ACVR1: variants seen among roughly 807,000 people sequenced by gnomAD.
ACVR1 encodes activin A receptor type 1, also known as activin receptor type-1.
ACVR1 carries 38 observed loss-of-function variants against 57.1 expected under a neutral mutation model. The ratio of observed to expected loss-of-function variants is 0.67; its 90% CI spans 0.51 to 0.87. ACVR1 has a LOEUF of 0.87. Among genes scored for constraint, ACVR1 ranks in the 40% least tolerant of loss-of-function variants. ACVR1 has a pLI of 0.00. For missense variants in ACVR1, 463 were observed against 638.2 expected (o/e 0.73, Z 2.96); for synonymous variants, 212 against 228.1 (o/e 0.93, Z 0.63).
intron 6 of ACVR1, among the ~76,000 whole-genome samples, 162 bp from the exon 7 acceptor site, chr2:157,770,676 A>AT (rs918817194): frequency 1.1e-4 from 17 of 151,604 alleles, no homozygotes; most frequent in African/African-American, 3.6e-4. Context: ...TTTATTTTTT[A>AT]TTTTTTTTGG....
intron 3 of ACVR1, among the ~76,000 whole-genome samples, chr2:157,790,435 G>A (rs915582607): frequency 6.6e-6 from 1 of 152,186 alleles, no homozygotes. Flanking sequence ...CACTGCCTGG[G>A]TTATTCTGAG....
At chr2:157,803,880 A>G (rs1379982067) in intron 2 of ACVR1, among the ~76,000 whole-genome samples, 1 of 151,934 alleles carries the variant, frequency 6.6e-6, no homozygotes, top group Non-Finnish European at 1.5e-5. Context: ...TATTATATTC[A>G]TAATAAAATA....
chr2:157,800,976 T>A (rs1687303268), intron 2 of ACVR1, among the ~76,000 whole-genome samples: 1 of 151,960 alleles, frequency 6.6e-6, no homozygotes, highest in Non-Finnish European at 1.5e-5. Context: ...AACCTCTCCC[T>A]CAGCAGTGAT....
intron 1 of ACVR1, among the ~76,000 whole-genome samples, chr2:157,830,997 A>T (rs1258667536): frequency 2.6e-5 from 4 of 152,168 alleles, no homozygotes; most frequent in Non-Finnish European, 5.9e-5. Context: ...AGTGGCAGAA[A>T]CATAACTCAC....
chr2:157,829,266 A>T lies in ACVR1; in HGVS notation c.-182-10707T>A, dbSNP rs539263782. On this transcript the variant is annotated intron_variant, in intron 1 of 10. Coordinates refer to ENST00000434821, the MANE Select transcript of ACVR1 (RefSeq NM_001111067.4). The stretch of plus-strand genomic sequence containing the variant: ...GTCACCCACCATCCCAAATCTACTA[A>T]TCTTTCTTTATGTCCTATCTTCTGC... Among the ~76,000 whole-genome samples, 413 of 152,262 alleles carry T rather than the reference A, an allele frequency of 2.7e-3. 4 individuals carry two copies. The highest frequency in any genetic ancestry group is 2.1e-3 in the Non-Finnish European group (145 of 68,024).
chr2:157,784,789 T>C (rs532883384), intron 3 of ACVR1, among the ~76,000 whole-genome samples: 1 of 152,364 alleles, frequency 6.6e-6, no homozygotes, highest in East Asian at 1.9e-4. Flanking sequence ...TCCTGCTCTG[T>C]ATGATCCTCA....
rs567012722 is a variant in ACVR1, at chr2:157,868,614, C to T, written c.-183+7182G>A. Among the ~76,000 whole-genome samples, 168 of 152,196 alleles carry T rather than the reference C, an allele frequency of 1.1e-3. 1 individual carries two copies. Among genetic ancestry groups the T allele is most frequent in the Non-Finnish European group, 2.1e-3 (144 of 68,044 alleles). On this transcript the variant is annotated intron_variant, in intron 1 of 10. Coordinates refer to ENST00000434821, the MANE Select transcript of ACVR1 (RefSeq NM_001111067.4). ...GCCTATGCTACAACCTATACACATA[C>T]AGATACCTCTCAAAATAACATCCAA...
chr2:157,807,260 T>C (rs889253760), intron 2 of ACVR1, among the ~76,000 whole-genome samples: 2 of 152,204 alleles, frequency 1.3e-5, no homozygotes, highest in East Asian at 1.9e-4. Flanking sequence ...CAGAATGAAA[T>C]TGACTTTGTT....
At chr2:157,847,163 T>C (rs1689149576) in intron 1 of ACVR1, among the ~76,000 whole-genome samples, 1 of 152,212 alleles carries the variant, frequency 6.6e-6, no homozygotes, top group African/African-American at 2.4e-5. Context: ...TTTGAACTTA[T>C]TATACACATG....
At chr2:157,824,449 C>A (rs932779892) in intron 1 of ACVR1, among the ~76,000 whole-genome samples, 3 of 152,110 alleles carry the variant, frequency 2.0e-5, no homozygotes, top group Non-Finnish European at 4.4e-5. Context: ...GCCTGGGCAA[C>A]AGAGCAAGAT....
intron 1 of ACVR1, among the ~76,000 whole-genome samples, chr2:157,851,363 G>A (rs1440514395): frequency 6.6e-6 from 1 of 151,980 alleles, no homozygotes; most frequent in Non-Finnish European, 1.5e-5. Context: ...CATAATACAA[G>A]CATGGAAGTC....
In ACVR1 at chr2:157,802,462, C is replaced by T. The variant is rs139430908; in HGVS notation, c.-7-2962G>A. Among the ~76,000 whole-genome samples the T allele has an allele frequency of 2.2e-3, 330 of 152,254 alleles. 1 individual carries two copies. Among genetic ancestry groups the T allele is most frequent in the African/African-American group, 7.7e-3 (320 of 41,550 alleles). On this transcript the variant is annotated intron_variant, in intron 2 of 10. Transcript: ENST00000434821. ...AAGGCACTCTAGGCACTCTACTCAC[C>T]TATCTTCATTGCCCCCTTGGCTCTC...
At chr2:157,855,952 T>C (rs1365536503) in intron 1 of ACVR1, among the ~76,000 whole-genome samples, 1 of 152,050 alleles carries the variant, frequency 6.6e-6, no homozygotes, top group Non-Finnish European at 1.5e-5. Flanking sequence ...GTTCCTCGCA[T>C]CATCATGAAA....
intron 3 of ACVR1, among the ~76,000 whole-genome samples, chr2:157,781,002 C>G (rs1330024385): frequency 6.6e-6 from 1 of 151,828 alleles, no homozygotes; most frequent in Non-Finnish European, 1.5e-5. Flanking sequence ...TTATTCTATT[C>G]CAAAAAAAAA....
At chr2:157,859,042 T>A (rs1421691677) in intron 1 of ACVR1, among the ~76,000 whole-genome samples, 6 of 152,164 alleles carry the variant, frequency 3.9e-5, no homozygotes. Context: ...GTCAGAGGCA[T>A]TTGAATCAGA....
chr2:157,766,387 C>T (rs1685861098), intron 7 of ACVR1, among the ~76,000 whole-genome samples, 191 bp from the exon 8 acceptor site: 1 of 152,162 alleles, frequency 6.6e-6, no homozygotes, highest in African/African-American at 2.4e-5. Context: ...TAAAAGGGCA[C>T]TGCTAATAGG....
intron 4 of ACVR1, among the ~76,000 whole-genome samples, chr2:157,779,271 T>C (rs1686413933): frequency 6.6e-6 from 1 of 152,246 alleles, no homozygotes; most frequent in South Asian, 2.1e-4. Context: ...TTTGTTTATG[T>C]CCATCCACCC....
chr2:157,827,065 A>C (rs1688412704), intron 1 of ACVR1, among the ~76,000 whole-genome samples: 1 of 152,174 alleles, frequency 6.6e-6, no homozygotes, highest in Non-Finnish European at 1.5e-5. Flanking sequence ...AGAAATGGCT[A>C]AATTTCTACC....
chr2:157,748,774 C>A (rs147261350), intron 9 of ACVR1, among the ~76,000 whole-genome samples: 1 of 152,118 alleles, frequency 6.6e-6, no homozygotes, highest in Middle Eastern at 3.2e-3. Context: ...TAAAGGCATG[C>A]CAATTTTAAT....
Sources: allele counts gnomAD v4.1 joint callset (sites outside exome capture counted in the v4.1 genomes callset), GRCh38; gene constraint gnomAD v4.1.1; transcripts MANE v1.5; gene names NCBI Gene and HGNC (gene_info 2026-07-23, HGNC 2026-07-21).